ZNF689: variants seen among roughly 807,000 people sequenced by gnomAD.
ZNF689 encodes short ORF-encoded histone-binding protein.
A neutral mutation model predicts 37.2 loss-of-function variants in ZNF689; 14 were observed. The ratio of observed to expected loss-of-function variants is 0.38; its 90% CI spans 0.25 to 0.59. The LOEUF (loss-of-function observed/expected upper bound fraction) is 0.59, where lower values mean the gene tolerates loss of function less well. Ranked by LOEUF, ZNF689 falls within the 20% of genes least tolerant of loss-of-function variation. ZNF689 has a pLI of 0.68. For synonymous variants in ZNF689, 277 were observed against 283.3 expected, an observed-to-expected ratio of 0.98 and a Z score of 0.22; for missense variants, 573 against 700.2, an observed-to-expected ratio of 0.82 and a Z score of 2.05.
chr16:30,604,725 C>T lies in ZNF689; in HGVS notation c.1042G>A (p.Glu348Lys). 1 of 1,605,974 alleles carries T rather than the reference C, an allele frequency of 6.2e-7. No homozygotes were observed. Among genetic ancestry groups the T allele is most frequent in the Non-Finnish European group, 8.5e-7 (1 of 1,177,462 alleles). Reference protein sequence around the residue: ...VHSGERPYACEHCEARFSQRS... With the variant: ...VHSGERPYACKHCEARFSQRS... The stretch of plus-strand genomic sequence containing the variant: ...TGGGAGAAGCGGGCCTCACAGTGCT[C>T]GCAGGCATAGGGACGCTCCCCAGAG... The change falls in exon 3 of 3, where the codon GAG becomes AAG. Residue 348 changes from glutamate (E) to lysine (K), a missense_variant. Physicochemically the swap from Glu to Lys is moderately conservative, Grantham distance 56. Around this residue, in one of 3 missense-constraint regions of ZNF689, gnomAD observed 317 missense variants for 367.1 expected, o/e 0.86. Coordinates refer to ENST00000287461, the MANE Select transcript of ZNF689 (RefSeq NM_138447.3). This position sits in a 1 kb window ranked among gnomAD's most constrained non-coding sequence, Gnocchi z 5.2.
intron 2 of ZNF689, among the ~76,000 whole-genome samples, chr16:30,608,954 C>T (rs1442331454): frequency 6.6e-6 from 1 of 152,294 alleles, no homozygotes; most frequent in Non-Finnish European, 1.5e-5. Flanking sequence ...GCAGTATGTC[C>T]TTCGCTGATA....
chr16:30,604,976 G>A lies in ZNF689; in HGVS notation c.791C>T (p.Pro264Leu), dbSNP rs1169303674. The stretch of plus-strand genomic sequence containing the variant: ...GTAGGCGAAGCGACGTCCACAGCTA[G>A]GGCACTGGTGGGGTTTTTCACCTGT... ...THTGEKPHQC[P>L]SCGRRFAYPS... Residue 264 changes from proline to leucine, a missense_variant, in exon 3 of 3, where the codon CCT becomes CTT. Around this residue, in one of 3 missense-constraint regions of ZNF689, gnomAD observed 317 missense variants for 367.1 expected, o/e 0.86. Transcript: ENST00000287461. This position sits in a 1 kb window ranked among gnomAD's most constrained non-coding sequence, Gnocchi z 5.2. The A allele has an allele frequency of 2.5e-6, 4 of 1,590,642 alleles. No individual in the cohort carries two copies. Among genetic ancestry groups the A allele is most frequent in the Non-Finnish European group, 3.4e-6 (4 of 1,167,014 alleles).
chr16:30,609,607 G>A lies in ZNF689; in HGVS notation c.237C>T (p.Ser79=). ...GCAGPKPALI[S]WLERNTDDWE... is the part of the protein sequence containing the mutation. ...AGTCATCGGTGTTTCGTTCCAACCA[G>A]GAGATGAGGGCTGGTTTGGGACCTG... is the stretch of plus-strand genomic sequence containing the variant. Residue 79 remains serine, a synonymous_variant, in exon 2 of 3, where the codon TCC becomes TCT. Coordinates refer to ENST00000287461, the MANE Select transcript of ZNF689 (RefSeq NM_138447.3). The A allele has an allele frequency of 6.2e-7, 1 of 1,614,050 alleles. No homozygotes were observed. Among genetic ancestry groups the A allele is most frequent in the East Asian group, 2.2e-5 (1 of 44,888 alleles).
chr16:30,602,912 G>T lies in ZNF689; in HGVS notation c.*1352C>A, dbSNP rs1002706857. ...GAAGCACCTACCCAGTGGGTGCCAT[G>T]GAGGTGGATCAGATTGAGCCACGCT... On this transcript the variant is annotated 3_prime_UTR_variant, in exon 3 of 3. Transcript: ENST00000287461. 2 of 152,268 alleles carry T rather than the reference G, an allele frequency of 1.3e-5. No homozygotes were observed. Among genetic ancestry groups the T allele is most frequent in the African/African-American group, 4.8e-5 (2 of 41,456 alleles). 9.4% of individuals were successfully genotyped at this position (152,268 alleles called of 1,614,324 possible). A position where few individuals can be genotyped will look rare whatever the true frequency, so the allele number is the denominator to read the frequency against.
rs1176160929 is a variant in ZNF689 at position 30,602,777 on chromosome 16, A to G, written c.*1487T>C. ...GAGCCACAGGGGTAAAGGATGACCC[A>G]CTCCAGCTGTTGGAATATGAGATGA... On this transcript the variant is annotated 3_prime_UTR_variant, in exon 3 of 3. Transcript: ENST00000287461. 1 of 152,128 alleles carries G rather than the reference A, an allele frequency of 6.6e-6. No individual in the cohort carries two copies. Among genetic ancestry groups the G allele is most frequent in the Non-Finnish European group, 1.5e-5 (1 of 68,030 alleles). The allele number at this position is 152,128 out of a possible 1,614,324, so 9.4% of individuals were successfully genotyped here.
chr16:30,609,383 C>T (rs1260250671), intron 2 of ZNF689, 142 bp downstream of exon 2: 6 of 669,884 alleles, frequency 9.0e-6, no homozygotes, highest in Non-Finnish European at 1.3e-5. Flanking sequence ...CGGCCCCACA[C>T]CACCAGACAC....
intron 2 of ZNF689, among the ~76,000 whole-genome samples, chr16:30,606,349 T>C (rs1380434334): frequency 6.6e-6 from 1 of 152,162 alleles, no homozygotes; most frequent in East Asian, 1.9e-4. Context: ...CAGAGAAGTC[T>C]TGCTGCCACC....
rs2052031719 is a variant in ZNF689 at position 30,605,905 on chromosome 16, T to C, written c.320-458A>G. Among the ~76,000 whole-genome samples the C allele has an allele frequency of 6.6e-6, 1 of 151,176 alleles. No homozygotes were observed. The highest frequency in any genetic ancestry group is 1.5e-5 in the Non-Finnish European group (1 of 67,858). On this transcript the variant is annotated intron_variant, in intron 2 of 2. Transcript: ENST00000287461. The surrounding 1 kb of genome is among the most constrained non-coding windows in gnomAD (Gnocchi z 5.1). ...AGGCAGAGGTTGCAGTGAGCCGAGA[T>C]TGTGCCACTGCACTCCAACCTGGGC...
Position 30,604,114 on chromosome 16 carries a change from C to T in ZNF689, c.*150G>A, listed in dbSNP as rs1417633636. ...ACTGTTCCAGACACGCACAGGGAGG[C>T]AGCCAGCGCATTGCAAGATACAAAG... On this transcript the variant is annotated 3_prime_UTR_variant, in exon 3 of 3. Transcript: ENST00000287461. This position sits in a 1 kb window ranked among gnomAD's most constrained non-coding sequence, Gnocchi z 5.2. The T allele has an allele frequency of 3.5e-6, 3 of 862,034 alleles. No individual in the cohort carries two copies. The highest frequency in any genetic ancestry group is 2.6e-5 in the East Asian group (1 of 37,870). 53.4% of individuals were successfully genotyped at this position (862,034 alleles called of 1,614,324 possible).
In ZNF689 at chr16:30,609,911, C is replaced by T. The variant is rs1265786218; in HGVS notation, c.131G>A (p.Gly44Asp). 1 of 1,612,418 alleles carries T rather than the reference C, an allele frequency of 6.2e-7. No individual in the cohort carries two copies. The highest frequency in any genetic ancestry group is 8.5e-7 in the Non-Finnish European group (1 of 1,179,548). Residue 44 changes from glycine to aspartate, a missense_variant, in exon 1 of 3, where the codon GGC (glycine) becomes GAC (aspartate). By Grantham distance (94) the Gly-to-Asp change is moderately conservative. This residue lies in a region of ZNF689 where 252 missense variants were observed against 313.3 expected (regional missense o/e 0.80). Transcript: ENST00000287461. ...VAVYFSPEEWGCLRPAQRALY... is the reference protein window; with the variant it reads ...VAVYFSPEEWDCLRPAQRALY... Reference sequence around the variant, plus strand: ...GGCCCTCTGCGCGGGCCGCAGGCAGCCCCACTCCTCCGGGGAGAAGTACAC... The same window carrying T: ...GGCCCTCTGCGCGGGCCGCAGGCAGTCCCACTCCTCCGGGGAGAAGTACAC...
rs2052082597 is a variant in ZNF689 at position 30,610,088 on chromosome 16, C to T, written c.-47G>A. The T allele has an allele frequency of 6.5e-7, 1 of 1,533,344 alleles. No homozygotes were observed. Among genetic ancestry groups the T allele is most frequent in the African/African-American group, 1.4e-5 (1 of 72,376 alleles). The allele number at this position is 1,533,344 out of a possible 1,614,324, so 95.0% of individuals were successfully genotyped here. A position where few individuals can be genotyped will look rare whatever the true frequency, so the allele number is the denominator to read the frequency against. ...ACGGCCTTCCGTGTCCAGGCCTCGGCCCTCGGGCGCTGGCGGCCCCTGGGA... is the reference window on the plus strand; with the variant it reads ...ACGGCCTTCCGTGTCCAGGCCTCGGTCCTCGGGCGCTGGCGGCCCCTGGGA... On this transcript the variant is annotated 5_prime_UTR_variant, in exon 1 of 3. Coordinates refer to ENST00000287461, the MANE Select transcript of ZNF689 (RefSeq NM_138447.3).
In ZNF689 at chr16:30,605,051, CCA is replaced by C. The variant is rs2151244188; in HGVS notation, c.714_715del (p.Cys238TrpfsTer20). On this transcript the variant is annotated frameshift_variant, in exon 3 of 3. Transcript: ENST00000287461. LOFTEE classifies it high-confidence loss of function. The surrounding 1 kb of genome is among the most constrained non-coding windows in gnomAD (Gnocchi z 5.1). The stretch of plus-strand genomic sequence containing the variant: ...GGACCGGCTCCTCCGGAAGCAGCGA[CCA>C]CAGTCAGGGCAGTGATAGGGCTTCT... The C allele has an allele frequency of 6.2e-7, 1 of 1,613,762 alleles. No individual in the cohort carries two copies. Among genetic ancestry groups the C allele is most frequent in the Non-Finnish European group, 8.5e-7 (1 of 1,179,776 alleles).
rs567441374 is a variant in ZNF689 at position 30,603,599 on chromosome 16, A to G, written c.*665T>C. The G allele has an allele frequency of 6.4e-6, 1 of 155,910 alleles. No individual in the cohort carries two copies. The highest frequency in any genetic ancestry group is 1.9e-4 in the East Asian group (1 of 5,298). 9.7% of individuals were successfully genotyped at this position (155,910 alleles called of 1,614,324 possible). On this transcript the variant is annotated 3_prime_UTR_variant, in exon 3 of 3. Coordinates refer to ENST00000287461, the MANE Select transcript of ZNF689 (RefSeq NM_138447.3). ...TGTGGAAATTGAAACCCTGTCTTTA[A>G]GGAATGACCAAATTCATGCTACTTA...
In ZNF689 at chr16:30,604,690, C is replaced by T. The variant is rs754606470; in HGVS notation, c.1077G>A (p.Thr359=). The change falls in exon 3 of 3, where the codon ACG becomes ACA. Residue 359 remains threonine (T), a synonymous_variant. Transcript: ENST00000287461. This position sits in a 1 kb window ranked among gnomAD's most constrained non-coding sequence, Gnocchi z 5.2. ...TGTGCAAGAGCTGGTGCTGGAGCAGCGTGCTGCGCTGGGAGAAGCGGGCCT... is the reference window on the plus strand; with the variant it reads ...TGTGCAAGAGCTGGTGCTGGAGCAGTGTGCTGCGCTGGGAGAAGCGGGCCT... ...HCEARFSQRS[T]LLQHQLLHTG... is the part of the protein sequence containing the mutation. The T allele has an allele frequency of 5.0e-6, 8 of 1,607,942 alleles. No individual in the cohort carries two copies. The Admixed American group carries it at 8.4e-5, about 17-fold the overall frequency.
chr16:30,605,083 T>C lies in ZNF689; in HGVS notation c.684A>G (p.Thr228=), dbSNP rs142681193. ...KNLSQHQVIH[T]GEKPYHCPDC... ...CAGGGCAGTGATAGGGCTTCTCCCC[T>C]GTATGGATGACCTGGTGCTGGGAGA... Residue 228 remains threonine, a synonymous_variant, in exon 3 of 3, where the codon ACA becomes ACG. Coordinates refer to ENST00000287461, the MANE Select transcript of ZNF689 (RefSeq NM_138447.3). This position sits in a 1 kb window ranked among gnomAD's most constrained non-coding sequence, Gnocchi z 5.1. 1,027 of 1,613,676 alleles carry C rather than the reference T, an allele frequency of 6.4e-4. 1 individual carries two copies. Among genetic ancestry groups the C allele is most frequent in the Non-Finnish European group, 8.3e-4 (982 of 1,179,894 alleles).
At position 30,610,283 on chromosome 16, in the gene ZNF689, G is replaced by T; in HGVS notation, c.-242C>A. On this transcript the variant is annotated 5_prime_UTR_variant, in exon 1 of 3. Coordinates refer to ENST00000287461, the MANE Select transcript of ZNF689 (RefSeq NM_138447.3). ...TGCCTTCGGGGAAAATGGCGGCGCTGCTACCGCACCGCCTTTGCCTGGAAC... is the reference window on the plus strand; with the variant it reads ...TGCCTTCGGGGAAAATGGCGGCGCTTCTACCGCACCGCCTTTGCCTGGAAC... The T allele has an allele frequency of 1.8e-6, 1 of 551,950 alleles. No individual in the cohort carries two copies. Among genetic ancestry groups the T allele is most frequent in the Non-Finnish European group, 3.2e-6 (1 of 312,690 alleles). The allele number at this position is 551,950 out of a possible 1,614,324, so 34.2% of individuals were successfully genotyped here. A position where few individuals can be genotyped will look rare whatever the true frequency, so the allele number is the denominator to read the frequency against.
intron 2 of ZNF689, among the ~76,000 whole-genome samples, chr16:30,608,136 C>T (rs2052053042): frequency 2.0e-5 from 3 of 152,198 alleles, no homozygotes; most frequent in Admixed American, 6.5e-5. Flanking sequence ...TTGGATTCAG[C>T]AGGTCTGGGG....
rs1358301900 is a variant in ZNF689, at chr16:30,604,433, G to A, written c.1334C>T (p.Ala445Val). Reference protein sequence around the residue: ...SKRFAQWSHLAQHQLLHTGEK... With the variant: ...SKRFAQWSHLVQHQLLHTGEK... The stretch of plus-strand genomic sequence containing the variant: ...CCCCGTGTGCAGCAGCTGGTGCTGG[G>A]CCAGGTGGCTCCACTGAGCAAAACG... The change falls in exon 3 of 3, where the codon GCC becomes GTC. Residue 445 changes from alanine (A) to valine (V), a missense_variant. This residue lies in a region of ZNF689 where 317 missense variants were observed against 367.1 expected (regional missense o/e 0.86). Coordinates refer to ENST00000287461, the MANE Select transcript of ZNF689 (RefSeq NM_138447.3). The surrounding 1 kb of genome is among the most constrained non-coding windows in gnomAD (Gnocchi z 5.2). The A allele has an allele frequency of 1.9e-6, 3 of 1,612,994 alleles. No individual in the cohort carries two copies. Among genetic ancestry groups the A allele is most frequent in the Non-Finnish European group, 1.7e-6 (2 of 1,179,692 alleles).
Position 30,604,286 on chromosome 16 carries a change from C to G in ZNF689, c.1481G>C (p.Ser494Thr), listed in dbSNP as rs528245929. 1.4e-5 allele frequency: 22 copies of G among 1,614,150 alleles called. No individual in the cohort carries two copies. In the South Asian group the frequency reaches 2.1e-4, roughly 15 times the overall value. Residue 494 changes from serine to threonine, a missense_variant, in exon 3 of 3, where the codon AGT (serine) becomes ACT (threonine). Ser to Thr is a moderately conservative substitution (Grantham distance 58). This residue lies in a region of ZNF689 where 317 missense variants were observed against 367.1 expected (regional missense o/e 0.86). Coordinates refer to ENST00000287461, the MANE Select transcript of ZNF689 (RefSeq NM_138447.3). This position sits in a 1 kb window ranked among gnomAD's most constrained non-coding sequence, Gnocchi z 5.2. Reference sequence around the variant, plus strand: ...CTTCTAATGGGCGTTGCCCCTCTGACTGGAGCCCCCGATAGCAGATCTAGG... The same window carrying G: ...CTTCTAATGGGCGTTGCCCCTCTGAGTGGAGCCCCCGATAGCAGATCTAGG... ...CSPRSAIGGS[S>T]QRGNAH
Sources: gnomAD v4.1 joint callset for allele counts (sites outside exome capture counted in the v4.1 genomes callset) on GRCh38, gnomAD v4.1.1 for gene constraint, gnomAD v4.1.1 regional missense constraint, Gnocchi (gnomAD v3.1) non-coding constraint, MANE v1.5 for transcripts, NCBI Gene and HGNC (gene_info 2026-07-23, HGNC 2026-07-21) for gene names.